Variants in CDH2 observed in about 807,000 individuals in gnomAD.
The protein encoded by CDH2 is cadherin 2, also known as cadherin-2.
A neutral mutation model predicts 92.0 loss-of-function variants in CDH2; 17 were observed. That is an observed-to-expected ratio of 0.18 (90% CI 0.13 to 0.28). The LOEUF (loss-of-function observed/expected upper bound fraction) is 0.28. Ranked by LOEUF, CDH2 falls within the 10% of genes least tolerant of loss-of-function variation. The pLI is 1.00. For missense variants in CDH2, 862 were observed against 1,133.1 expected (o/e 0.76, Z 3.44); for synonymous variants, 419 against 415.9 (o/e 1.01, Z -0.09).
rs17493835 is a variant in CDH2, at chr18:28,025,770, C to A, written c.173-11861G>T. ...AATGAGTTTCGTGGTTCTATTATAA[C>A]ATAGGGTAGCTATGGCAAATAACAA... On this transcript the variant is annotated intron_variant, in intron 2 of 15. Coordinates refer to ENST00000269141, the MANE Select transcript of CDH2 (RefSeq NM_001792.5). Among the ~76,000 whole-genome samples, 418 of 151,872 alleles carry A rather than the reference C, an allele frequency of 2.8e-3. 3 individuals carry two copies. The highest frequency in any genetic ancestry group is 9.7e-3 in the African/African-American group (403 of 41,466).
intron 15 of CDH2, among the ~76,000 whole-genome samples, chr18:27,955,569 G>T (rs1036350477): frequency 6.6e-6 from 1 of 151,730 alleles, no homozygotes; most frequent in African/African-American, 2.4e-5. Context: ...GTGTGTTCAC[G>T]GACCCCAGGA....
intron 15 of CDH2, among the ~76,000 whole-genome samples, chr18:27,961,575 G>A (rs556217134): frequency 1.3e-5 from 2 of 152,270 alleles, no homozygotes; most frequent in Admixed American, 1.3e-4. Flanking sequence ...GTTCAGTGGG[G>A]CTGCAGCACA....
intron 7 of CDH2, among the ~76,000 whole-genome samples, chr18:27,999,128 A>T (rs1186376591): frequency 6.6e-6 from 1 of 152,196 alleles, no homozygotes; most frequent in Non-Finnish European, 1.5e-5. Flanking sequence ...ATGTAGGAGA[A>T]CAATATTTAG....
Position 28,177,072 on chromosome 18 carries a change from CGGCGGCGGCGGA to C in CDH2, c.-62_-51del, listed in dbSNP as rs1053487880. 2.9e-5 allele frequency: 40 copies of C among 1,374,396 alleles called. No homozygotes were observed. Among genetic ancestry groups the C allele is most frequent in the Admixed American group, 1.5e-4 (7 of 45,606 alleles). The allele number at this position is 1,374,396 out of a possible 1,614,324, so 85.1% of individuals were successfully genotyped here. A position where few individuals can be genotyped will look rare whatever the true frequency, so the allele number is the denominator to read the frequency against. ...GAGCCGGAGGAGGCGGCGGCGGCGG[CGGCGGCGGCGGA>C]GGAGGAGGAGGCAGCGGCAGCACCA... On this transcript the variant is annotated 5_prime_UTR_variant, in exon 1 of 16. Coordinates refer to ENST00000269141, the MANE Select transcript of CDH2 (RefSeq NM_001792.5).
At chr18:28,007,792 G>T (rs1053113363) in intron 5 of CDH2, among the ~76,000 whole-genome samples, 1 of 152,024 alleles carries the variant, frequency 6.6e-6, no homozygotes. Context: ...GCATTGGCAC[G>T]ATCTCGGCTT....
chr18:28,077,788 G>C (rs1240849265), intron 2 of CDH2, among the ~76,000 whole-genome samples: 1 of 150,778 alleles, frequency 6.6e-6, no homozygotes, highest in Non-Finnish European at 1.5e-5. Flanking sequence ...CTACTCAGGA[G>C]GCTGAGGCAG....
In CDH2 at chr18:28,040,297, C is replaced by T. The variant is rs536173549; in HGVS notation, c.173-26388G>A. Among the ~76,000 whole-genome samples, 333 of 152,192 alleles carry T rather than the reference C, an allele frequency of 2.2e-3. 1 individual carries two copies. The highest frequency in any genetic ancestry group is 7.7e-3 in the African/African-American group (321 of 41,538). ...ACTCCTAACTTATAGCTATGAAGCA[C>T]GTTAAATGATGCAAAACTGCCTTCA... On this transcript the variant is annotated intron_variant, in intron 2 of 15. Transcript: ENST00000269141.
intron 14 of CDH2, among the ~76,000 whole-genome samples, chr18:27,970,964 G>A (rs1336437761): frequency 8.5e-5 from 13 of 152,274 alleles, no homozygotes; most frequent in East Asian, 3.9e-4. Context: ...TAGGCTGGGC[G>A]CGGTGGCTTA....
chr18:28,077,567 GCAAAACACGTATCCTATTCC>G (rs970497839), intron 2 of CDH2, among the ~76,000 whole-genome samples: 1 of 152,004 alleles, frequency 6.6e-6, no homozygotes, highest in Non-Finnish European at 1.5e-5. Flanking sequence ...AAAACAAACT[GCAAAACACGTATCCTATTCC>G]CAAAGAAAAA....
intron 14 of CDH2, among the ~76,000 whole-genome samples, chr18:27,965,990 G>GAAAAAAAAA (rs373927434): frequency 5.1e-5 from 3 of 58,654 alleles, no homozygotes; most frequent in Non-Finnish European, 8.9e-5. Context: ...TGTCTAAAAG[G>GAAAAAAAAA]AAAAAAAAAA....
intron 2 of CDH2, among the ~76,000 whole-genome samples, chr18:28,021,111 G>C (rs2013398990): frequency 6.6e-6 from 1 of 151,790 alleles, no homozygotes; most frequent in African/African-American, 2.4e-5. Flanking sequence ...CCTCAAGCTG[G>C]TATTAGTCAG....
chr18:28,089,678 C>T (rs1379214950), intron 2 of CDH2, among the ~76,000 whole-genome samples: 1 of 152,138 alleles, frequency 6.6e-6, no homozygotes. Context: ...TTATGCATTT[C>T]CTAATTGGTC....
chr18:28,003,186 T>C lies in CDH2; in HGVS notation c.848-17A>G, dbSNP rs778144612. On this transcript the variant is annotated splice_polypyrimidine_tract_variant and intron_variant, in intron 6 of 15. Transcript: ENST00000269141. ...CATATGTTCCTAGAGACAGTGTACATGGAAAATGAATGGTTACCCTTCATT... is the reference window on the plus strand; with the variant it reads ...CATATGTTCCTAGAGACAGTGTACACGGAAAATGAATGGTTACCCTTCATT... 8.1e-6 allele frequency: 13 copies of C among 1,597,660 alleles called. No individual in the cohort carries two copies. The highest frequency in any genetic ancestry group is 7.7e-6 in the Non-Finnish European group (9 of 1,166,308).
At chr18:28,164,254 T>G (rs2016346742) in intron 1 of CDH2, among the ~76,000 whole-genome samples, 1 of 152,160 alleles carries the variant, frequency 6.6e-6, no homozygotes, top group Non-Finnish European at 1.5e-5. Flanking sequence ...AAACCCCAGC[T>G]CCAACATTTA....
At chr18:28,011,183 A>G (rs1308605479) in intron 4 of CDH2, among the ~76,000 whole-genome samples, 1 of 152,148 alleles carries the variant, frequency 6.6e-6, no homozygotes, top group African/African-American at 2.4e-5. Context: ...AAGTGGGAAT[A>G]CAGCAGCCTT....
At chr18:27,977,260 C>G (rs1039179078) in intron 14 of CDH2, among the ~76,000 whole-genome samples, 2 of 152,186 alleles carry the variant, frequency 1.3e-5, no homozygotes, top group African/African-American at 4.8e-5. Context: ...ATGGGCCCAA[C>G]CTAGCCTCCT....
chr18:27,971,753 T>G (rs2011666467), intron 14 of CDH2, among the ~76,000 whole-genome samples: 1 of 152,132 alleles, frequency 6.6e-6, no homozygotes, highest in African/African-American at 2.4e-5. Context: ...TTGGTAAAAA[T>G]GAATGAATAA....
chr18:27,985,785 A>C (rs1221860091), intron 11 of CDH2, 24 bp from the exon 12 acceptor site: 3 of 1,355,954 alleles, frequency 2.2e-6, no homozygotes, highest in African/African-American at 1.4e-5. Context: ...AAAATCACAA[A>C]TGATGCTGAA....
In CDH2 at chr18:27,990,114, A is replaced by G. The variant is rs1452865203; in HGVS notation, c.1581T>C (p.Tyr527=). 6 of 1,614,006 alleles carry G rather than the reference A, an allele frequency of 3.7e-6. No individual in the cohort carries two copies. The highest frequency in any genetic ancestry group is 2.2e-5 in the East Asian group (1 of 44,878). The change falls in exon 10 of 16, where the codon TAT becomes TAC. Residue 527 remains tyrosine (Y), a synonymous_variant. Transcript: ENST00000269141. ...TTFTAQDPDR[Y]MQQNIRYTKL... ...TTTCATACCTAATATTTTGCTGCAT[A>G]TATCGATCTGGGTCCTGAGCAGTGA...
Sources: gnomAD v4.1 joint callset for allele counts (sites outside exome capture counted in the v4.1 genomes callset) on GRCh38, gnomAD v4.1.1 for gene constraint, MANE v1.5 for transcripts, NCBI Gene and HGNC (gene_info 2026-07-23, HGNC 2026-07-21) for gene names.